Variants in WAPL observed in about 807,000 individuals in gnomAD.
WAPL encodes the protein wings apart-like protein homolog.
WAPL carries 5 observed loss-of-function variants against 121.0 expected under a neutral mutation model. The observed-to-expected ratio is 0.04, with a 90% CI of 0.02 to 0.09. The LOEUF (loss-of-function observed/expected upper bound fraction) is 0.09. Among genes scored for constraint, WAPL ranks in the 10% least tolerant of loss-of-function variants. The probability of loss-of-function intolerance (pLI) is 1.00; values close to 1 mark genes in which losing one functional copy is unlikely to be tolerated. For synonymous variants in WAPL, 480 were observed against 481.5 expected, an observed-to-expected ratio of 1.00 and a Z score of 0.04; for missense variants, 999 against 1,410.8, an observed-to-expected ratio of 0.71 and a Z score of 4.68.
chr10:86,442,418 T>G (rs1316061283), intron 17 of WAPL, among the ~76,000 whole-genome samples: 2 of 152,208 alleles, frequency 1.3e-5, no homozygotes, highest in South Asian at 4.1e-4. Context: ...TATTATATAC[T>G]ATTTTGATTT....
intron 2 of WAPL, among the ~76,000 whole-genome samples, chr10:86,501,533 C>A (rs1053462278): frequency 1.3e-5 from 2 of 152,218 alleles, no homozygotes; most frequent in Admixed American, 1.3e-4. Context: ...AAATGTATAC[C>A]CTATGCCAAA....
chr10:86,500,857 AATTTT>A, intron 2 of WAPL, 114 bp from the exon 3 acceptor site: 1 of 891,700 alleles, frequency 1.1e-6, no homozygotes, highest in Non-Finnish European at 1.6e-6. Flanking sequence ...AACTGCAAAT[AATTTT>A]AAGTTGTGAA....
chr10:86,518,164 C>G (rs1278625839), intron 1 of WAPL, 73 bp from the exon 2 acceptor site: 3 of 1,402,370 alleles, frequency 2.1e-6, no homozygotes, highest in Admixed American at 2.7e-5. Context: ...AAAATAAAAA[C>G]CTAGGGATTC....
intron 12 of WAPL, among the ~76,000 whole-genome samples, chr10:86,456,863 T>C (rs1315742952): frequency 1.3e-5 from 2 of 152,222 alleles, no homozygotes; most frequent in African/African-American, 2.4e-5. Context: ...TATCTCCGAA[T>C]TGATCATGGT....
In WAPL at chr10:86,446,373, G is replaced by A; in HGVS notation, c.3191C>T (p.Thr1064Ile). Reference sequence around the variant, plus strand: ...CCACTCTCCACTCTTATCATGCTGAGTGGTGGGAGCATCTTTGATCAACTC... The same window carrying A: ...CCACTCTCCACTCTTATCATGCTGAATGGTGGGAGCATCTTTGATCAACTC... Reference protein sequence around the residue: ...TDELIKDAPTTQHDKSGEWQE... With the variant: ...TDELIKDAPTIQHDKSGEWQE... Residue 1064 changes from threonine to isoleucine, a missense_variant, in exon 16 of 19, where the codon ACT (threonine) becomes ATT (isoleucine). Physicochemically the swap from Thr to Ile is moderately conservative, Grantham distance 89 (BLOSUM62 -1). Coordinates refer to ENST00000298767, the MANE Select transcript of WAPL (RefSeq NM_015045.5). 1 of 1,614,138 alleles carries A rather than the reference G, an allele frequency of 6.2e-7. No individual in the cohort carries two copies. Among genetic ancestry groups the A allele is most frequent in the South Asian group, 1.1e-5 (1 of 91,086 alleles).
intron 4 of WAPL, among the ~76,000 whole-genome samples, chr10:86,478,221 G>A (rs1040413961): frequency 6.6e-6 from 1 of 152,038 alleles, no homozygotes; most frequent in African/African-American, 2.4e-5. Flanking sequence ...CTTGCGCCCA[G>A]GAGTTTGAGA....
chr10:86,515,318 T>C (rs1218511099), intron 2 of WAPL, among the ~76,000 whole-genome samples: 2 of 150,294 alleles, frequency 1.3e-5, no homozygotes, highest in African/African-American at 4.9e-5. Context: ...ACAAGCAGAA[T>C]AGCATTCGCA....
chr10:86,505,211 G>T (rs1187081088), intron 2 of WAPL, among the ~76,000 whole-genome samples: 1 of 149,810 alleles, frequency 6.7e-6, no homozygotes, highest in Non-Finnish European at 1.5e-5. Context: ...TGTTGCCCAG[G>T]CTGGTCTCAA....
chr10:86,482,704 T>C (rs1477896730), intron 4 of WAPL, among the ~76,000 whole-genome samples: 1 of 152,130 alleles, frequency 6.6e-6, no homozygotes, highest in East Asian at 1.9e-4. Context: ...CAGGACAAAT[T>C]TAGGCCCCAA....
intron 14 of WAPL, 32 bp downstream of exon 14, chr10:86,453,188 T>C (rs1444038860): frequency 7.6e-6 from 12 of 1,586,770 alleles, no homozygotes; most frequent in Admixed American, 5.0e-5. Context: ...TTAGATATGA[T>C]ACTCATTTCT....
chr10:86,446,552 T>A, intron 15 of WAPL, 103 bp from the exon 16 acceptor site: 1 of 1,237,366 alleles, frequency 8.1e-7, no homozygotes, highest in Non-Finnish European at 1.1e-6. Context: ...TCACTAACTC[T>A]AAGATGGTTA....
At chr10:86,510,778 A>G (rs1842447418) in intron 2 of WAPL, among the ~76,000 whole-genome samples, 1 of 152,240 alleles carries the variant, frequency 6.6e-6, no homozygotes, top group African/African-American at 2.4e-5. Flanking sequence ...GAAAATATCT[A>G]TAAAAATCAA....
chr10:86,494,719 TAA>T (rs1842118939), intron 4 of WAPL, among the ~76,000 whole-genome samples: 1 of 152,204 alleles, frequency 6.6e-6, no homozygotes, highest in Non-Finnish European at 1.5e-5. Flanking sequence ...CATGTATGGG[TAA>T]ATGCCCATTC....
At chr10:86,468,500 T>C (rs1317307552) in intron 8 of WAPL, among the ~76,000 whole-genome samples, 1 of 151,798 alleles carries the variant, frequency 6.6e-6, no homozygotes, top group Non-Finnish European at 1.5e-5. Context: ...GCCCAGCCTA[T>C]TCTTTATGAT....
chr10:86,482,463 A>T (rs1382553044), intron 4 of WAPL, among the ~76,000 whole-genome samples: 1 of 152,208 alleles, frequency 6.6e-6, no homozygotes, highest in Non-Finnish European at 1.5e-5. Context: ...TAAAAGCGCC[A>T]AGAAGCAAAG....
intron 8 of WAPL, among the ~76,000 whole-genome samples, 175 bp from the exon 9 acceptor site, chr10:86,467,681 T>A (rs1035757308): frequency 6.6e-6 from 1 of 151,472 alleles, no homozygotes; most frequent in Non-Finnish European, 1.5e-5. Flanking sequence ...AAAAAATTTT[T>A]TTTTTTTTTT....
intron 2 of WAPL, among the ~76,000 whole-genome samples, chr10:86,508,509 T>G (rs1411845596): frequency 6.6e-6 from 1 of 152,010 alleles, no homozygotes; most frequent in Non-Finnish European, 1.5e-5. Flanking sequence ...TTGTAAACAC[T>G]TGTTACCCCC....
rs577391194 is a variant in WAPL, at chr10:86,445,033, C to T, written c.3322+1209G>A. Among the ~76,000 whole-genome samples, 53 of 152,034 alleles carry T rather than the reference C, an allele frequency of 3.5e-4. No homozygotes were observed. The South Asian group carries it at 0.011, about 32-fold the overall frequency. On this transcript the variant is annotated intron_variant, in intron 16 of 18. Coordinates refer to ENST00000298767, the MANE Select transcript of WAPL (RefSeq NM_015045.5). ...ACAGGAGAAAAGGCTCAGAACGAGA[C>T]GTTGCTGCGGCTTGCTTCCTACTGA...
chr10:86,477,293 T>C (rs1169840706), intron 4 of WAPL, among the ~76,000 whole-genome samples: 2 of 152,322 alleles, frequency 1.3e-5, no homozygotes, highest in East Asian at 3.9e-4. Flanking sequence ...GAACTGTGTA[T>C]GTAAAGCACA....
Sources: allele counts gnomAD v4.1 joint callset (sites outside exome capture counted in the v4.1 genomes callset), GRCh38; gene constraint gnomAD v4.1.1; transcripts MANE v1.5; gene names NCBI Gene and HGNC (gene_info 2026-07-23, HGNC 2026-07-21).